NADK2: variants seen among roughly 807,000 people sequenced by gnomAD.
The protein encoded by NADK2 is NAD kinase domain-containing protein 1, mitochondrial.
A neutral mutation model predicts 62.1 loss-of-function variants in NADK2; 35 were observed. The observed-to-expected ratio is 0.56, with a 90% CI of 0.43 to 0.75. The LOEUF (loss-of-function observed/expected upper bound fraction) is 0.75, where lower values mean the gene tolerates loss of function less well. Among genes scored for constraint, NADK2 ranks in the 30% least tolerant of loss-of-function variants. NADK2 has a pLI of 0.00. For missense variants in NADK2, 439 were observed against 561.3 expected (o/e 0.78, Z 2.20); for synonymous variants, 205 against 207.9 (o/e 0.99, Z 0.12).
rs1435121634 is a variant in NADK2, at chr5:36,226,548, C to T, written c.405G>A (p.Glu135=). 1.2e-6 allele frequency: 2 copies of T among 1,611,628 alleles called. No individual in the cohort carries two copies. The highest frequency in any genetic ancestry group is 1.3e-5 in the African/African-American group (1 of 74,846). ...ATTCTCTCCTCTTTACTAGACGAAC[C>T]TCAATTCCCTCATTCCTAGGATAAA... ...IIDSLRNEGI[E]VRLVKRREYD... The change falls in exon 3 of 12, where the codon GAG becomes GAA. Residue 135 remains glutamate (E), a synonymous_variant. Coordinates refer to ENST00000381937, the MANE Select transcript of NADK2 (RefSeq NM_001085411.3).
chr5:36,223,791 G>A (rs1329946236), intron 4 of NADK2, among the ~76,000 whole-genome samples: 2 of 152,120 alleles, frequency 1.3e-5, no homozygotes, highest in Admixed American at 1.3e-4. Flanking sequence ...TACCAAGCTT[G>A]GGGATAAGTG....
At chr5:36,236,779 AAC>A (rs1747922948) in intron 1 of NADK2, among the ~76,000 whole-genome samples, 1 of 151,900 alleles carries the variant, frequency 6.6e-6, no homozygotes, top group South Asian at 2.1e-4. Flanking sequence ...AAGAATGCCT[AAC>A]ACAATCTTGG....
At chr5:36,206,608 A>G (rs1746650176) in intron 8 of NADK2, among the ~76,000 whole-genome samples, 1 of 152,116 alleles carries the variant, frequency 6.6e-6, no homozygotes, top group Non-Finnish European at 1.5e-5. Context: ...GAAAAACTGA[A>G]GACAATAAAT....
At chr5:36,202,847 T>A (rs570161480) in intron 8 of NADK2, among the ~76,000 whole-genome samples, 30 of 152,218 alleles carry the variant, frequency 2.0e-4, no homozygotes, top group African/African-American at 6.7e-4. Context: ...CAATCAGGAA[T>A]ACTCACTGCA....
At position 36,236,327 on chromosome 5, in the gene NADK2, A is replaced by G. The variant is rs138457439; in HGVS notation, c.300+5172T>C. Among the ~76,000 whole-genome samples the G allele has an allele frequency of 8.6e-3, 1,315 of 152,346 alleles. 15 individuals are homozygous for G. The highest frequency in any genetic ancestry group is 0.03 in the African/African-American group (1,238 of 41,584). On this transcript the variant is annotated intron_variant, in intron 1 of 11. Transcript: ENST00000381937. ...CCTATTTAACTGCAAGTATTTATAGAAAGGGAGTATACCTTAAACCTCTGT... is the reference window on the plus strand; with the variant it reads ...CCTATTTAACTGCAAGTATTTATAGGAAGGGAGTATACCTTAAACCTCTGT...
chr5:36,196,060 T>C (rs1284794268), intron 11 of NADK2, among the ~76,000 whole-genome samples: 2 of 152,220 alleles, frequency 1.3e-5, no homozygotes, highest in Non-Finnish European at 2.9e-5. Flanking sequence ...CTACTATTCA[T>C]GGACATTTGG....
Position 36,210,213 on chromosome 5 carries a change from G to GTTCT in NADK2, c.860+1630_860+1631insAGAA, listed in dbSNP as rs1746789311. ...TTAATTTACTTACATCTACAAGGAT[G>GTTCT]AGAAGCCAGGTTCTAAAGTACTACC... is the stretch of plus-strand genomic sequence containing the variant. On this transcript the variant is annotated intron_variant, in intron 7 of 11. Coordinates refer to ENST00000381937, the MANE Select transcript of NADK2 (RefSeq NM_001085411.3). Among the ~76,000 whole-genome samples the GTTCT allele has an allele frequency of 2.0e-5, 3 of 152,156 alleles. No homozygotes were observed. The South Asian group carries it at 6.2e-4, about 31-fold the overall frequency.
intron 6 of NADK2, among the ~76,000 whole-genome samples, chr5:36,212,486 CAGTT>C (rs1248697865): frequency 6.6e-6 from 1 of 152,140 alleles, no homozygotes; most frequent in African/African-American, 2.4e-5. Context: ...GTTGTGTGCA[CAGTT>C]AAAGTAATCT....
intron 4 of NADK2, among the ~76,000 whole-genome samples, chr5:36,224,212 C>A (rs1475792880): frequency 2.0e-5 from 3 of 151,956 alleles, no homozygotes; most frequent in African/African-American, 7.3e-5. Context: ...ATCTTTTTTT[C>A]CCCAGATGAC....
chr5:36,199,474 A>G (rs1042068928), intron 10 of NADK2, among the ~76,000 whole-genome samples: 18 of 152,032 alleles, frequency 1.2e-4, no homozygotes, highest in Non-Finnish European at 2.5e-4. Flanking sequence ...CAATGCAGAG[A>G]GCAAAAAAAG....
chr5:36,200,089 G>T, intron 10 of NADK2, 138 bp downstream of exon 10: 1 of 438,038 alleles, frequency 2.3e-6, no homozygotes, highest in Non-Finnish European at 3.9e-6. Context: ...GTTGCTTAAA[G>T]ACATTTAAGG....
At chr5:36,201,524 C>A (rs1476987140) in intron 8 of NADK2, among the ~76,000 whole-genome samples, 1 of 151,572 alleles carries the variant, frequency 6.6e-6, no homozygotes, top group Non-Finnish European at 1.5e-5. Flanking sequence ...CAAATAGGTA[C>A]CCATAGAAAG....
intron 7 of NADK2, among the ~76,000 whole-genome samples, chr5:36,210,206 C>G (rs1280916111): frequency 6.6e-6 from 1 of 152,088 alleles, no homozygotes; most frequent in African/African-American, 2.4e-5. Flanking sequence ...CTTACATCTA[C>G]AAGGATGAGA....
intron 1 of NADK2, among the ~76,000 whole-genome samples, chr5:36,231,171 G>A (rs1265680361): frequency 6.6e-6 from 1 of 152,112 alleles, no homozygotes; most frequent in Non-Finnish European, 1.5e-5. Context: ...GCAAGCCCCA[G>A]GAAAATAAGA....
rs1746385160 is a variant in NADK2 at position 36,200,229 on chromosome 5, T to G, written c.1064A>C (p.Lys355Thr). The change falls in exon 10 of 12, where the codon AAA (lysine) becomes ACA (threonine). Residue 355 changes from lysine (K) to threonine (T), a missense_variant and splice_region_variant. Transcript: ENST00000381937. ...SLPLNRELVE[K>T]VTNEYNESLL... Reference sequence around the variant, plus strand: ...GATTATTATCATTTGTCACTGACCTTTCTCTACCAATTCTCTGTTCAATGG... The same window carrying G: ...GATTATTATCATTTGTCACTGACCTGTCTCTACCAATTCTCTGTTCAATGG... 1 of 1,579,212 alleles carries G rather than the reference T, an allele frequency of 6.3e-7. No individual in the cohort carries two copies. The highest frequency in any genetic ancestry group is 1.8e-5 in the Admixed American group (1 of 55,884).
chr5:36,206,517 A>G (rs1746645648), intron 8 of NADK2, among the ~76,000 whole-genome samples: 1 of 145,912 alleles, frequency 6.9e-6, no homozygotes, highest in South Asian at 2.2e-4. Context: ...TGAAGAATGG[A>G]AAAAAAAAAT....
At chr5:36,204,142 A>T (rs2112082243) in intron 8 of NADK2, among the ~76,000 whole-genome samples, 1 of 152,308 alleles carries the variant, frequency 6.6e-6, no homozygotes, top group South Asian at 2.1e-4. Flanking sequence ...TTCTAAAAGG[A>T]TTAATTAATA....
intron 11 of NADK2, among the ~76,000 whole-genome samples, chr5:36,196,657 T>C (rs557497512): frequency 2.0e-5 from 3 of 152,296 alleles, no homozygotes; most frequent in East Asian, 3.9e-4. Context: ...TTTGTTGTTA[T>C]AGTGCTTTTT....
At position 36,240,340 on chromosome 5, in the gene NADK2, T is replaced by C. The variant is rs375876604; in HGVS notation, c.300+1159A>G. On this transcript the variant is annotated intron_variant, in intron 1 of 11. Transcript: ENST00000381937. The stretch of plus-strand genomic sequence containing the variant: ...CAACAAAGAAGCAGGATGTTTAATG[T>C]TGACAACAGATTCAGCACTTAAGCA... 1.4e-4 allele frequency among the ~76,000 whole-genome samples: 22 copies of C among 152,342 alleles called. No homozygotes were observed. The East Asian group carries it at 3.5e-3, about 24-fold the overall frequency.
Sources: gnomAD v4.1 joint callset for allele counts (sites outside exome capture counted in the v4.1 genomes callset) on GRCh38, gnomAD v4.1.1 for gene constraint, MANE v1.5 for transcripts, NCBI Gene and HGNC (gene_info 2026-07-23, HGNC 2026-07-21) for gene names.